The following CASZ1 variants were observed in gnomAD, a reference collection of about 807,000 sequenced individuals.
CASZ1 encodes castor zinc finger 1.
A neutral mutation model predicts 135.2 loss-of-function variants in CASZ1; 28 were observed. The ratio of observed to expected loss-of-function variants is 0.21; its 90% CI spans 0.15 to 0.28. CASZ1 has a LOEUF of 0.28. Among genes scored for constraint, CASZ1 ranks in the 10% least tolerant of loss-of-function variants. The pLI, the probability that CASZ1 is intolerant of heterozygous loss-of-function variation, is 1.00. For synonymous variants in CASZ1, 1,068 were observed against 1,073.4 expected, an observed-to-expected ratio of 0.99 and a Z score of 0.10; for missense variants, 2,161 against 2,453.3, an observed-to-expected ratio of 0.88 and a Z score of 2.52.
chr1:10,648,101 T>A lies in CASZ1; in HGVS notation c.3197A>T (p.Asn1066Ile). Residue 1066 changes from asparagine to isoleucine, a missense_variant, in exon 16 of 21, where the codon AAC becomes ATC. Physicochemically the swap from Asn to Ile is moderately radical, Grantham distance 149 (BLOSUM62 -3). Transcript: ENST00000377022. ...CGAGGCCGGAAAGGCAGCCTCTGTG[T>A]TTCCTTTTGCTGCTCCTCCCTCTGT... ...FRTEGGAAKG[N>I]TEAAFPASAA... 3 of 1,560,046 alleles carry A rather than the reference T, an allele frequency of 1.9e-6. No individual in the cohort carries two copies. Among genetic ancestry groups the A allele is most frequent in the Non-Finnish European group, 2.6e-6 (3 of 1,153,820 alleles).
At chr1:10,660,830 T>C in intron 5 of CASZ1, 1 of 448,562 alleles carries the variant, frequency 2.2e-6, no homozygotes, top group South Asian at 3.0e-5. Context: ...CAAAGTTTCA[T>C]AAATGTCTCC....
chr1:10,729,605 C>T (rs552511570), intron 2 of CASZ1, among the ~76,000 whole-genome samples: 6 of 152,312 alleles, frequency 3.9e-5, no homozygotes, highest in African/African-American at 1.2e-4. Flanking sequence ...GGCCTCTTCC[C>T]GAGACCCTCT....
chr1:10,680,073 C>G (rs1000657910), intron 4 of CASZ1, among the ~76,000 whole-genome samples: 5 of 152,100 alleles, frequency 3.3e-5, no homozygotes, highest in Non-Finnish European at 7.4e-5. Context: ...GTGGGGCAGG[C>G]TGGGGAAGGG....
intron 1 of CASZ1, among the ~76,000 whole-genome samples, chr1:10,778,374 TCATA>T (rs1168932843): frequency 2.0e-5 from 3 of 151,412 alleles, no homozygotes; most frequent in Non-Finnish European, 2.9e-5. Context: ...ATAAACAATC[TCATA>T]CATGATCACT....
At position 10,646,311 on chromosome 1, in the gene CASZ1, G is replaced by A. The variant is rs1304700177; in HGVS notation, c.3513C>T (p.Ala1171=). The change falls in exon 17 of 21, where the codon GCC becomes GCT. Residue 1171 remains alanine, a synonymous_variant. Coordinates refer to ENST00000377022, the MANE Select transcript of CASZ1 (RefSeq NM_001079843.3). The surrounding 1 kb of genome is among the most constrained non-coding windows in gnomAD (Gnocchi z 6.4). ...LQFQENDPCL[A]TDCKYANKFH... is the part of the protein sequence containing the mutation. Reference sequence around the variant, plus strand: ...ACTTGTTGGCGTACTTGCAGTCCGTGGCGAGGCAAGGATCGCTGGAAGGAA... The same window carrying A: ...ACTTGTTGGCGTACTTGCAGTCCGTAGCGAGGCAAGGATCGCTGGAAGGAA... The A allele has an allele frequency of 6.2e-7, 1 of 1,614,012 alleles. No individual in the cohort carries two copies. Among genetic ancestry groups the A allele is most frequent in the South Asian group, 1.1e-5 (1 of 91,058 alleles).
At position 10,709,008 on chromosome 1, in the gene CASZ1, A is replaced by C; in HGVS notation, c.-76-3464T>G. 6.7e-6 allele frequency among the ~76,000 whole-genome samples: 1 copy of C among 148,996 alleles called. No individual in the cohort carries two copies. Among genetic ancestry groups the C allele is most frequent in the South Asian group, 2.1e-4 (1 of 4,666 alleles). ...ATGGGTGAGGGAGGGAGGGAGTGCC[A>C]CGAGAGATGGGACGGGGGAGAGTGA... On this transcript the variant is annotated intron_variant, in intron 2 of 20. Coordinates refer to ENST00000377022, the MANE Select transcript of CASZ1 (RefSeq NM_001079843.3). The surrounding 1 kb of genome is among the most constrained non-coding windows in gnomAD (Gnocchi z 5.1).
intron 2 of CASZ1, among the ~76,000 whole-genome samples, chr1:10,728,183 A>T (rs1639632220): frequency 1.3e-5 from 2 of 152,082 alleles, no homozygotes. Context: ...GGACTCAGAC[A>T]CCCTGCTGGA....
chr1:10,793,729 G>T (rs932302487), intron 1 of CASZ1, among the ~76,000 whole-genome samples: 1 of 151,648 alleles, frequency 6.6e-6, no homozygotes, highest in East Asian at 1.9e-4. Context: ...GTGGCGGGGG[G>T]GCGGGGCGGC....
rs747765395 is a variant in CASZ1, at chr1:10,659,865, G to C, written c.1177C>G (p.Pro393Ala). 1 of 1,611,594 alleles carries C rather than the reference G, an allele frequency of 6.2e-7. No homozygotes were observed. Among genetic ancestry groups the C allele is most frequent in the African/African-American group, 1.3e-5 (1 of 74,862 alleles). ...GCGAGGGGTGCGGGAGCCAGGCTGG[G>C]GGTGGGCGGAACCTTGGCGGGGCCT... ...KPGPAKVPPT[P>A]SLAPAPLASV... The change falls in exon 6 of 21, where the codon CCC becomes GCC. Residue 393 changes from proline to alanine, a missense_variant. Physicochemically the swap from Pro to Ala is conservative, Grantham distance 27. Coordinates refer to ENST00000377022, the MANE Select transcript of CASZ1 (RefSeq NM_001079843.3).
chr1:10,676,692 G>C lies in CASZ1; in HGVS notation c.17-11121C>G, dbSNP rs1638235215. On this transcript the variant is annotated intron_variant, in intron 4 of 20. Transcript: ENST00000377022. The surrounding 1 kb of genome is among the most constrained non-coding windows in gnomAD (Gnocchi z 4.5). ...GCCTACAGCTCAGAAACGAGCCCCT[G>C]GCCCGGGGCGAGCAGCCCCACAGTT... Among the ~76,000 whole-genome samples, 1 of 152,188 alleles carries C rather than the reference G, an allele frequency of 6.6e-6. No homozygotes were observed. Among genetic ancestry groups the C allele is most frequent in the South Asian group, 2.1e-4 (1 of 4,830 alleles).
intron 12 of CASZ1, 35 bp from the exon 13 acceptor site, chr1:10,650,790 C>CG: frequency 6.3e-7 from 1 of 1,592,436 alleles, no homozygotes; most frequent in Non-Finnish European, 8.5e-7. Context: ...TGAGCTCAGA[C>CG]GGCCGGGGCC....
In CASZ1 at chr1:10,648,050, G is replaced by A. The variant is rs138085050; in HGVS notation, c.3248C>T (p.Ala1083Val). Residue 1083 changes from alanine to valine, a missense_variant, in exon 16 of 21, where the codon GCC becomes GTC. This residue lies in a region of CASZ1 where 349 missense variants were observed against 460.8 expected (regional missense o/e 0.76). Transcript: ENST00000377022. ...ASAAETKPPM[A>V]PSSPPVPPVT... is the part of the protein sequence containing the mutation. ...AGGAGGGACCGGAGGGGACGAGGGG[G>A]CCATGGGAGGTTTGGTCTCGGCGGC... 9.4e-4 allele frequency: 1,498 copies of A among 1,600,416 alleles called. 3 individuals are homozygous for A. The highest frequency in any genetic ancestry group is 3.0e-3 in the Middle Eastern group (18 of 5,980).
intron 1 of CASZ1, among the ~76,000 whole-genome samples, chr1:10,787,342 G>A (rs1640876018): frequency 6.6e-6 from 1 of 152,148 alleles, no homozygotes; most frequent in African/African-American, 2.4e-5. Context: ...TGGAGCTCGG[G>A]GCCACCCGTG....
Position 10,755,389 on chromosome 1 carries a change from A to T in CASZ1, c.-77+5312T>A, listed in dbSNP as rs1268807412. Among the ~76,000 whole-genome samples, 1 of 152,160 alleles carries T rather than the reference A, an allele frequency of 6.6e-6. No homozygotes were observed. The highest frequency in any genetic ancestry group is 1.5e-5 in the Non-Finnish European group (1 of 68,016). On this transcript the variant is annotated intron_variant, in intron 2 of 20. Transcript: ENST00000377022. The surrounding 1 kb of genome is among the most constrained non-coding windows in gnomAD (Gnocchi z 4.3). ...TGTGAGACCTGACGTCGCCTCTCCAATGCCAGCCTCTCTCACTGTGGGCAC... is the reference window on the plus strand; with the variant it reads ...TGTGAGACCTGACGTCGCCTCTCCATTGCCAGCCTCTCTCACTGTGGGCAC...
In CASZ1 at chr1:10,709,935, G is replaced by A. The variant is rs966819096; in HGVS notation, c.-76-4391C>T. ...CCTGGGCCCCGGACCAGGGAGGGGC[G>A]GTGGGGGTGGCTGTCCAGACCCCGG... On this transcript the variant is annotated intron_variant, in intron 2 of 20. Coordinates refer to ENST00000377022, the MANE Select transcript of CASZ1 (RefSeq NM_001079843.3). The surrounding 1 kb of genome is among the most constrained non-coding windows in gnomAD (Gnocchi z 5.1). Among the ~76,000 whole-genome samples, 5 of 152,154 alleles carry A rather than the reference G, an allele frequency of 3.3e-5. No individual in the cohort carries two copies. The highest frequency in any genetic ancestry group is 4.8e-5 in the African/African-American group (2 of 41,436).
intron 15 of CASZ1, 35 bp downstream of exon 15, chr1:10,649,035 G>T (rs1013696303): frequency 1.2e-6 from 2 of 1,606,376 alleles, no homozygotes; most frequent in Admixed American, 3.3e-5. Flanking sequence ...GGATCCGTGG[G>T]GCTCTGTGGA....
intron 1 of CASZ1, among the ~76,000 whole-genome samples, chr1:10,791,755 G>GA (rs1646831522): frequency 6.7e-6 from 1 of 149,968 alleles, no homozygotes; most frequent in Non-Finnish European, 1.5e-5. Flanking sequence ...GAGAGAGAGA[G>GA]AGAGAAGAGA....
In CASZ1 at chr1:10,719,824, G is replaced by A. The variant is rs1316029440; in HGVS notation, c.-76-14280C>T. 6.6e-6 allele frequency among the ~76,000 whole-genome samples: 1 copy of A among 152,256 alleles called. No homozygotes were observed. Among genetic ancestry groups the A allele is most frequent in the Admixed American group, 6.5e-5 (1 of 15,290 alleles). On this transcript the variant is annotated intron_variant, in intron 2 of 20. Coordinates refer to ENST00000377022, the MANE Select transcript of CASZ1 (RefSeq NM_001079843.3). The surrounding 1 kb of genome is among the most constrained non-coding windows in gnomAD (Gnocchi z 4.0). ...GGGGATCCCCACAGGCCTGGAACAG[G>A]CACCTCCGGGGTTCAAAGGCCCACA...
chr1:10,753,667 C>T (rs868467434), intron 2 of CASZ1, among the ~76,000 whole-genome samples: 16 of 152,134 alleles, frequency 1.1e-4, no homozygotes, highest in Admixed American at 3.3e-4. Flanking sequence ...CCAGAAGGAC[C>T]GGGGAAAGGA....
Sources: gnomAD v4.1 joint callset for allele counts (sites outside exome capture counted in the v4.1 genomes callset) on GRCh38, gnomAD v4.1.1 for gene constraint, gnomAD v4.1.1 regional missense constraint, Gnocchi (gnomAD v3.1) non-coding constraint, MANE v1.5 for transcripts, NCBI Gene and HGNC (gene_info 2026-07-23, HGNC 2026-07-21) for gene names.